Variants in CEP164 observed in about 807,000 individuals in gnomAD.
CEP164 encodes centrosomal protein 164.
CEP164 carries 162 observed loss-of-function variants against 182.7 expected under a neutral mutation model. The ratio of observed to expected loss-of-function variants is 0.89; its 90% CI spans 0.78 to 1.01. The LOEUF is 1.01. Among genes scored for constraint, CEP164 ranks in the 50% least tolerant of loss-of-function variants. CEP164 has a pLI of 0.00. For synonymous variants in CEP164, 661 were observed against 690.0 expected, an observed-to-expected ratio of 0.96 and a Z score of 0.66; for missense variants, 1,735 against 1,790.4, an observed-to-expected ratio of 0.97 and a Z score of 0.56.
chr11:117,332,525 G>A (rs1339715081), intron 1 of CEP164, among the ~76,000 whole-genome samples: 1 of 152,114 alleles, frequency 6.6e-6, no homozygotes, highest in Non-Finnish European at 1.5e-5. Context: ...GCAGTGAGCC[G>A]AGATCGCACC....
chr11:117,412,422 CT>C lies in CEP164; in HGVS notation c.*255del. On this transcript the variant is annotated 3_prime_UTR_variant, in exon 33 of 33. Transcript: ENST00000278935. ...ATGGCAAGCTGATGGCGTGCGGTGG[CT>C]GCGGGGTATCAGGGCCGGGAGCCCT... 2.8e-6 allele frequency: 1 copy of C among 363,348 alleles called. No homozygotes were observed. The highest frequency in any genetic ancestry group is 5.1e-6 in the Non-Finnish European group (1 of 196,854). 22.5% of individuals were successfully genotyped at this position (363,348 alleles called of 1,614,324 possible).
chr11:117,382,152 G>A (rs1270171424), intron 13 of CEP164, among the ~76,000 whole-genome samples: 2 of 152,164 alleles, frequency 1.3e-5, no homozygotes, highest in Non-Finnish European at 2.9e-5. Flanking sequence ...CTTGAATAAG[G>A]AGGTGTCTCT....
intron 2 of CEP164, among the ~76,000 whole-genome samples, chr11:117,338,106 T>C (rs1321979939): frequency 6.6e-6 from 1 of 152,144 alleles, no homozygotes; most frequent in Non-Finnish European, 1.5e-5. Flanking sequence ...CGCCACTGGA[T>C]TGTAAGCTTC....
chr11:117,382,155 G>A (rs2043388760), intron 13 of CEP164, among the ~76,000 whole-genome samples: 1 of 152,134 alleles, frequency 6.6e-6, no homozygotes, highest in African/African-American at 2.4e-5. Context: ...GAATAAGGAG[G>A]TGTCTCTTTT....
At chr11:117,402,162 G>A (rs928094386) in intron 27 of CEP164, among the ~76,000 whole-genome samples, 1 of 151,414 alleles carries the variant, frequency 6.6e-6, no homozygotes, top group Non-Finnish European at 1.5e-5. Flanking sequence ...CAGAGATTCT[G>A]GTACATTGTG....
intron 8 of CEP164, among the ~76,000 whole-genome samples, chr11:117,370,478 C>G (rs1383752300): frequency 6.6e-6 from 1 of 152,204 alleles, no homozygotes; most frequent in Non-Finnish European, 1.5e-5. Flanking sequence ...GAGGACATGA[C>G]AGGTGGTGAC....
chr11:117,409,302 T>C lies in CEP164; in HGVS notation c.3748+274T>C, dbSNP rs552248120. The C allele has an allele frequency of 3.1e-5, 18 of 576,470 alleles. No homozygotes were observed. Among genetic ancestry groups the C allele is most frequent in the African/African-American group, 2.4e-4 (13 of 53,738 alleles). 35.7% of individuals were successfully genotyped at this position (576,470 alleles called of 1,614,324 possible). On this transcript the variant is annotated intron_variant, in intron 29 of 32. Transcript: ENST00000278935. The surrounding 1 kb of genome is among the most constrained non-coding windows in gnomAD (Gnocchi z 4.4). ...TGGCCTCTTCTCTTCCAGGGCCTCC[T>C]TGAGGAGGCTTTTCTCTCTCAGCTG...
intron 9 of CEP164, among the ~76,000 whole-genome samples, 179 bp downstream of exon 9, chr11:117,371,645 C>T (rs1334984037): frequency 6.6e-6 from 1 of 152,170 alleles, no homozygotes; most frequent in African/African-American, 2.4e-5. Context: ...TGCCCAGACC[C>T]AGCAGGCAGT....
At chr11:117,365,927 T>C (rs375063731) in intron 8 of CEP164, among the ~76,000 whole-genome samples, 1 of 152,294 alleles carries the variant, frequency 6.6e-6, no homozygotes, top group East Asian at 1.9e-4. Context: ...TATGTGCTTC[T>C]TTGGGGGGAG....
At chr11:117,336,762 A>G (rs1459204765) in intron 2 of CEP164, 1 of 614,902 alleles carries the variant, frequency 1.6e-6, no homozygotes, top group African/African-American at 1.8e-5. Context: ...CAGGAGGAAC[A>G]GTGGCAGCTT....
At chr11:117,410,057 T>A (rs766638840) in intron 30 of CEP164, 92 bp downstream of exon 30, 29 of 1,195,950 alleles carry the variant, frequency 2.4e-5, no homozygotes, top group Non-Finnish European at 3.6e-5. Context: ...GCTCCTTTTC[T>A]CCTCTTCCTC....
At chr11:117,396,792 C>T (rs749610583) in intron 26 of CEP164, among the ~76,000 whole-genome samples, 181 bp downstream of exon 26, 2 of 152,244 alleles carry the variant, frequency 1.3e-5, no homozygotes, top group African/African-American at 2.4e-5. Context: ...AAACTGCCCA[C>T]TGTGACCTTT....
intron 11 of CEP164, among the ~76,000 whole-genome samples, chr11:117,376,984 C>T (rs2042807033): frequency 6.6e-6 from 1 of 152,196 alleles, no homozygotes; most frequent in African/African-American, 2.4e-5. Context: ...AGACAGATTT[C>T]TGGGTCTACC....
rs1223972181 is a variant in CEP164, at chr11:117,394,071, A to G, written c.2617-279A>G. ...TTATCAGTGACCTCTCATTCCTTAC[A>G]GAGGAAAAGTTGTATATGGTGGAGC... On this transcript the variant is annotated intron_variant, in intron 20 of 32. Coordinates refer to ENST00000278935, the MANE Select transcript of CEP164 (RefSeq NM_014956.5). This position sits in a 1 kb window ranked among gnomAD's most constrained non-coding sequence, Gnocchi z 4.0. 6.6e-6 allele frequency among the ~76,000 whole-genome samples: 1 copy of G among 152,234 alleles called. No homozygotes were observed.
intron 8 of CEP164, among the ~76,000 whole-genome samples, chr11:117,367,485 C>CT (rs1189469499): frequency 6.6e-6 from 1 of 152,160 alleles, no homozygotes; most frequent in Non-Finnish European, 1.5e-5. Flanking sequence ...TGCAATTTGG[C>CT]TATATTCTCT....
At chr11:117,383,020 G>C in intron 14 of CEP164, 78 bp downstream of exon 14, 1 of 1,499,110 alleles carries the variant, frequency 6.7e-7, no homozygotes, top group Non-Finnish European at 9.0e-7. Flanking sequence ...CTCTTGGGTG[G>C]TGGGAGGTGG....
intron 3 of CEP164, among the ~76,000 whole-genome samples, chr11:117,341,707 A>G (rs918651913): frequency 2.6e-5 from 4 of 151,584 alleles, no homozygotes; most frequent in African/African-American, 7.3e-5. Flanking sequence ...CAGTCTCCCA[A>G]CGTGCTGGGA....
chr11:117,350,893 C>T (rs1454390294), intron 4 of CEP164, among the ~76,000 whole-genome samples: 1 of 152,012 alleles, frequency 6.6e-6, no homozygotes, highest in African/African-American at 2.4e-5. Flanking sequence ...GTTAGCTGTC[C>T]TAATAGATTG....
rs1266132925 is a variant in CEP164, at chr11:117,396,558, CA to C, written c.3228del (p.Glu1077ArgfsTer32). On this transcript the variant is annotated frameshift_variant, in exon 26 of 33. Coordinates refer to ENST00000278935, the MANE Select transcript of CEP164 (RefSeq NM_014956.5). LOFTEE classifies it high-confidence loss of function. ...CTACCATGTGTCCCTAGAACCAGAC[CA>C]AAGAGGTGTCTTCTTCTCTCTCCCA... Reference protein sequence around the residue: ...LRKSLGTNQTKEVSSSLSQSK... With the variant: ...LRKSLGTNQTXEVSSSLSQSK... 1.9e-6 allele frequency: 3 copies of C among 1,613,678 alleles called. No homozygotes were observed. The highest frequency in any genetic ancestry group is 2.5e-6 in the Non-Finnish European group (3 of 1,179,600).
Sources: allele counts gnomAD v4.1 joint callset (sites outside exome capture counted in the v4.1 genomes callset), GRCh38; gene constraint gnomAD v4.1.1; non-coding constraint Gnocchi (gnomAD v3.1); transcripts MANE v1.5; gene names NCBI Gene and HGNC (gene_info 2026-07-23, HGNC 2026-07-21).